Variants in NT5DC1 observed in about 807,000 individuals in gnomAD.
NT5DC1 encodes the protein 5'-nucleotidase domain-containing protein 1.
A neutral mutation model predicts 59.4 loss-of-function variants in NT5DC1; 42 were observed. The observed-to-expected ratio is 0.71, with a 90% CI of 0.55 to 0.92. NT5DC1 has a LOEUF of 0.92. Ranked by LOEUF, NT5DC1 falls within the 40% of genes least tolerant of loss-of-function variation. The pLI is 0.00. For missense variants in NT5DC1, 501 were observed against 537.1 expected (o/e 0.93, Z 0.66); for synonymous variants, 172 against 188.1 (o/e 0.91, Z 0.70).
chr6:116,199,916 T>G (rs569144805), intron 6 of NT5DC1, among the ~76,000 whole-genome samples: 3 of 151,718 alleles, frequency 2.0e-5, no homozygotes, highest in African/African-American at 7.3e-5. Flanking sequence ...ACATTTTACC[T>G]TCAAGAAGGT....
intron 6 of NT5DC1, among the ~76,000 whole-genome samples, chr6:116,168,768 GA>G (rs1780538758): frequency 6.6e-6 from 1 of 152,028 alleles, no homozygotes. Flanking sequence ...TTTCTACAGA[GA>G]AAAATGTTGA....
intron 6 of NT5DC1, among the ~76,000 whole-genome samples, chr6:116,170,584 T>G (rs569009489): frequency 1.5e-4 from 23 of 152,234 alleles, no homozygotes; most frequent in Non-Finnish European, 2.9e-4. Context: ...TGGGTTTGTT[T>G]GTTTTAGTCA....
intron 6 of NT5DC1, among the ~76,000 whole-genome samples, chr6:116,150,667 C>G (rs1294529709): frequency 1.3e-5 from 2 of 152,146 alleles, no homozygotes; most frequent in African/African-American, 2.4e-5. Context: ...CTTTACCTAA[C>G]TTTCAGAGAT....
intron 6 of NT5DC1, among the ~76,000 whole-genome samples, chr6:116,212,762 AATTG>A (rs1483794685): frequency 6.6e-6 from 1 of 152,130 alleles, no homozygotes; most frequent in Non-Finnish European, 1.5e-5. Flanking sequence ...GTATTTCAGC[AATTG>A]ATTATTATTT....
intron 6 of NT5DC1, among the ~76,000 whole-genome samples, chr6:116,155,322 A>G (rs1340944410): frequency 6.6e-6 from 1 of 152,142 alleles, no homozygotes; most frequent in African/African-American, 2.4e-5. Flanking sequence ...CTTTCTTATT[A>G]TTAATGACCA....
chr6:116,126,817 A>T (rs1779327978), intron 6 of NT5DC1, among the ~76,000 whole-genome samples: 1 of 152,118 alleles, frequency 6.6e-6, no homozygotes, highest in East Asian at 1.9e-4. Flanking sequence ...TGTTTATTTC[A>T]GGAGAAAAAA....
intron 6 of NT5DC1, 107 bp from the exon 7 acceptor site, chr6:116,220,947 T>C: frequency 4.8e-6 from 3 of 618,614 alleles, no homozygotes; most frequent in Middle Eastern, 4.5e-4. Flanking sequence ...CTTGTTCTTA[T>C]CCTTTTAGTT....
chr6:116,194,875 A>G (rs1304058970), intron 6 of NT5DC1, among the ~76,000 whole-genome samples: 3 of 152,074 alleles, frequency 2.0e-5, no homozygotes, highest in Non-Finnish European at 2.9e-5. Flanking sequence ...TATGGTTTAC[A>G]TTATTAGTTT....
chr6:116,242,493 AAAG>A (rs1479612527), intron 11 of NT5DC1, among the ~76,000 whole-genome samples: 2 of 147,924 alleles, frequency 1.4e-5, no homozygotes, highest in Admixed American at 6.7e-5. Flanking sequence ...AAAAAAAAAA[AAAG>A]AGAGAGAGAG....
At chr6:116,161,891 T>C (rs559440823) in intron 6 of NT5DC1, among the ~76,000 whole-genome samples, 1 of 152,354 alleles carries the variant, frequency 6.6e-6, no homozygotes, top group Admixed American at 6.5e-5. Flanking sequence ...GTTTGTGTCA[T>C]CTACAGTTTC....
At chr6:116,135,845 A>ATATATATATG (rs1779579360) in intron 6 of NT5DC1, among the ~76,000 whole-genome samples, 1 of 99,188 alleles carries the variant, frequency 1.0e-5, no homozygotes, top group Non-Finnish European at 1.9e-5. Context: ...ATATATATAT[A>ATATATATATG]TATATATATA....
intron 6 of NT5DC1, among the ~76,000 whole-genome samples, chr6:116,161,248 G>A (rs1296173197): frequency 6.6e-6 from 1 of 150,580 alleles, no homozygotes. Flanking sequence ...GCTAGATGAC[G>A]AGTTAGTGGG....
At chr6:116,115,064 G>T (rs1275569986) in intron 4 of NT5DC1, among the ~76,000 whole-genome samples, 1 of 152,166 alleles carries the variant, frequency 6.6e-6, no homozygotes, top group Non-Finnish European at 1.5e-5. Context: ...CCAAAGAAGG[G>T]CTCAAATGTA....
intron 6 of NT5DC1, among the ~76,000 whole-genome samples, chr6:116,171,175 A>G (rs894788338): frequency 6.6e-6 from 1 of 152,178 alleles, no homozygotes; most frequent in Non-Finnish European, 1.5e-5. Flanking sequence ...GTAAGGTTAA[A>G]TGACCCACTT....
rs1257733187 is a variant in NT5DC1 at position 116,120,142 on chromosome 6, C to T, written c.529+2197C>T. ...ACTCAGAGGAGTATAGGCCATTTGA[C>T]TCGGCATTGGGAAGCTGGAGCCACA... On this transcript the variant is annotated intron_variant, in intron 6 of 11. Coordinates refer to ENST00000319550, the MANE Select transcript of NT5DC1 (RefSeq NM_152729.3). 6.2e-7 allele frequency: 1 copy of T among 1,614,088 alleles called. No individual in the cohort carries two copies. Among genetic ancestry groups the T allele is most frequent in the Non-Finnish European group, 8.5e-7 (1 of 1,180,014 alleles).
Position 116,110,833 on chromosome 6 carries a change from T to G in NT5DC1, c.258-17T>G. On this transcript the variant is annotated splice_polypyrimidine_tract_variant and intron_variant, in intron 3 of 11. Transcript: ENST00000319550. ...AGGAACCATTAATGAGCAATGTGCCTCCTCTCTCAAAATCAGGGCAAGCCA... is the reference window on the plus strand; with the variant it reads ...AGGAACCATTAATGAGCAATGTGCCGCCTCTCTCAAAATCAGGGCAAGCCA... 6.4e-7 allele frequency: 1 copy of G among 1,571,372 alleles called. No homozygotes were observed. The highest frequency in any genetic ancestry group is 8.8e-7 in the Non-Finnish European group (1 of 1,140,912).
intron 6 of NT5DC1, among the ~76,000 whole-genome samples, chr6:116,134,488 T>C (rs1779541120): frequency 6.6e-6 from 1 of 152,228 alleles, no homozygotes; most frequent in African/African-American, 2.4e-5. Flanking sequence ...GTGCCTGTTA[T>C]AAGGCATAGA....
At chr6:116,209,083 G>A (rs1781520025) in intron 6 of NT5DC1, among the ~76,000 whole-genome samples, 1 of 151,838 alleles carries the variant, frequency 6.6e-6, no homozygotes, top group Non-Finnish European at 1.5e-5. Flanking sequence ...TATTCTTTTG[G>A]TACTTTCTAG....
At chr6:116,118,198 C>T in intron 6 of NT5DC1, 1 of 454,906 alleles carries the variant, frequency 2.2e-6, no homozygotes, top group Non-Finnish European at 4.0e-6. Context: ...GAGGGTCATT[C>T]TGTGAGTTCC....
Sources: gnomAD v4.1 joint callset for allele counts (sites outside exome capture counted in the v4.1 genomes callset) on GRCh38, gnomAD v4.1.1 for gene constraint, MANE v1.5 for transcripts, NCBI Gene and HGNC (gene_info 2026-07-23, HGNC 2026-07-21) for gene names.